The following FBXO28 variants were observed in gnomAD, a reference collection of about 807,000 sequenced individuals.
FBXO28 encodes F-box protein 28, also known as F-box only protein 28.
FBXO28 carries 8 observed loss-of-function variants against 38.1 expected under a neutral mutation model. The observed-to-expected ratio is 0.21, with a 90% CI of 0.12 to 0.38. The LOEUF (loss-of-function observed/expected upper bound fraction) is 0.38, where lower values mean the gene tolerates loss of function less well. Among genes scored for constraint, FBXO28 ranks in the 10% least tolerant of loss-of-function variants. The pLI is 1.00. For missense variants in FBXO28, 345 were observed against 460.6 expected (o/e 0.75, Z 2.30); for synonymous variants, 168 against 173.8 (o/e 0.97, Z 0.26).
At chr1:224,130,713 A>ATC in intron 2 of FBXO28, 132 bp downstream of exon 2, 1 of 589,434 alleles carries the variant, frequency 1.7e-6, no homozygotes, top group Non-Finnish European at 3.0e-6. Flanking sequence ...TCACAATGTG[A>ATC]TTTCTGCAGT....
chr1:224,142,039 A>G (rs970004349), intron 3 of FBXO28, among the ~76,000 whole-genome samples: 43 of 83,926 alleles, frequency 5.1e-4, no homozygotes, highest in African/African-American at 1.4e-3. Context: ...CTACAGGCAC[A>G]TTAAATTTTT....
At chr1:224,138,063 A>G (rs1657238576) in intron 3 of FBXO28, among the ~76,000 whole-genome samples, 3 of 151,712 alleles carry the variant, frequency 2.0e-5, no homozygotes, top group Admixed American at 2.0e-4. Context: ...CCCTGTCTAT[A>G]CTAAAAATAC....
At chr1:224,150,306 G>A (rs1657610716) in intron 3 of FBXO28, among the ~76,000 whole-genome samples, 1 of 152,118 alleles carries the variant, frequency 6.6e-6, no homozygotes, top group Non-Finnish European at 1.5e-5. Context: ...GGCAACAAGA[G>A]CGAAGCTCCG....
chr1:224,143,278 C>G (rs1657409738), intron 3 of FBXO28, among the ~76,000 whole-genome samples: 1 of 151,780 alleles, frequency 6.6e-6, no homozygotes, highest in African/African-American at 2.4e-5. Flanking sequence ...GGGCCACTGT[C>G]TGTTTAGTTT....
intron 3 of FBXO28, among the ~76,000 whole-genome samples, chr1:224,140,808 T>C (rs1657326386): frequency 6.6e-6 from 1 of 151,596 alleles, no homozygotes; most frequent in East Asian, 1.9e-4. Flanking sequence ...TAGCCGAGCA[T>C]GGTGGCACGT....
In FBXO28 at chr1:224,161,291, T is replaced by C. The variant is rs1474734247; in HGVS notation, c.*3545T>C. On this transcript the variant is annotated 3_prime_UTR_variant, in exon 5 of 5. Transcript: ENST00000366862. ...ATACTTGGTGATCAGCACATTCTTATATCCTGCTCTAGCAATGAGTACCCA... is the reference window on the plus strand; with the variant it reads ...ATACTTGGTGATCAGCACATTCTTACATCCTGCTCTAGCAATGAGTACCCA... 11 of 152,252 alleles carry C rather than the reference T, an allele frequency of 7.2e-5. No individual in the cohort carries two copies. The highest frequency in any genetic ancestry group is 7.2e-4 in the Admixed American group (11 of 15,284). 9.4% of individuals were successfully genotyped at this position (152,252 alleles called of 1,614,324 possible). A position where few individuals can be genotyped will look rare whatever the true frequency, so the allele number is the denominator to read the frequency against.
intron 2 of FBXO28, among the ~76,000 whole-genome samples, chr1:224,133,487 G>A (rs942519289): frequency 6.6e-6 from 1 of 151,872 alleles, no homozygotes; most frequent in Non-Finnish European, 1.5e-5. Flanking sequence ...GGTTCTAATA[G>A]CCACTAGATT....
chr1:224,148,853 A>AT (rs58802533), intron 3 of FBXO28, among the ~76,000 whole-genome samples: 152,082 of 152,162 alleles, frequency 1, 76,001 homozygotes, highest in Middle Eastern at 1. Flanking sequence ...ACCTGTTGAA[A>AT]TTTACTTACT....
chr1:224,135,217 T>C (rs983306466), intron 3 of FBXO28, among the ~76,000 whole-genome samples: 5 of 152,234 alleles, frequency 3.3e-5, no homozygotes, highest in South Asian at 2.1e-4. Context: ...GTGATTCTTA[T>C]GCCAGATTTT....
intron 3 of FBXO28, among the ~76,000 whole-genome samples, chr1:224,150,185 T>A (rs1657607296): frequency 2.6e-5 from 4 of 151,726 alleles, no homozygotes; most frequent in South Asian, 4.1e-4. Context: ...TTAGCCAGGC[T>A]TGGTGGTGGG....
At chr1:224,146,053 C>T (rs184541678) in intron 3 of FBXO28, among the ~76,000 whole-genome samples, 13 of 141,808 alleles carry the variant, frequency 9.2e-5, no homozygotes, top group Non-Finnish European at 1.7e-4. Context: ...GCAACAATAG[C>T]GAAACTCCTT....
At chr1:224,151,199 A>G (rs1449519291) in intron 3 of FBXO28, among the ~76,000 whole-genome samples, 2 of 151,978 alleles carry the variant, frequency 1.3e-5, no homozygotes, top group African/African-American at 2.4e-5. Flanking sequence ...CCTCTCCTGA[A>G]CTCCCATCCT....
intron 3 of FBXO28, among the ~76,000 whole-genome samples, chr1:224,139,768 A>ATG (rs1558192782): frequency 9.1e-3 from 68 of 7,486 alleles, no homozygotes; most frequent in Non-Finnish European, 0.026. Context: ...ATGCATGCAT[A>ATG]CATACATACA....
At chr1:224,153,775 G>T (rs551434965) in intron 4 of FBXO28, among the ~76,000 whole-genome samples, 223 of 152,126 alleles carry the variant, frequency 1.5e-3, no homozygotes, top group Non-Finnish European at 2.3e-3. Context: ...ACAAAAATGT[G>T]CTGGGCATGG....
chr1:224,160,168 A>G lies in FBXO28; in HGVS notation c.*2422A>G, dbSNP rs911082005. The G allele has an allele frequency of 1.3e-5, 2 of 152,174 alleles. No individual in the cohort carries two copies. The highest frequency in any genetic ancestry group is 2.9e-5 in the Non-Finnish European group (2 of 68,024). 9.4% of individuals were successfully genotyped at this position (152,174 alleles called of 1,614,324 possible). ...TATTTGATAGCCATTATGCTTACCT[A>G]TGGATAGCATAATGGTATTTAAGGT... On this transcript the variant is annotated 3_prime_UTR_variant, in exon 5 of 5. Coordinates refer to ENST00000366862, the MANE Select transcript of FBXO28 (RefSeq NM_015176.4).
At chr1:224,128,823 A>AT (rs1312133601) in intron 1 of FBXO28, among the ~76,000 whole-genome samples, 3 of 151,612 alleles carry the variant, frequency 2.0e-5, no homozygotes, top group African/African-American at 7.3e-5. Context: ...TCTCTACAAA[A>AT]TTTTTTTTAA....
At chr1:224,125,372 A>G (rs182696602) in intron 1 of FBXO28, among the ~76,000 whole-genome samples, 5 of 152,146 alleles carry the variant, frequency 3.3e-5, no homozygotes, top group Admixed American at 3.3e-4. Flanking sequence ...TAATCTTTTT[A>G]TCAGCTTTTA....
intron 1 of FBXO28, among the ~76,000 whole-genome samples, chr1:224,125,148 A>G (rs1308699318): frequency 6.8e-6 from 1 of 147,526 alleles, no homozygotes; most frequent in Non-Finnish European, 1.5e-5. Flanking sequence ...AGGTCTTGCT[A>G]TGTTGCCCAG....
Position 224,157,738 on chromosome 1 carries a change from A to G in FBXO28, c.1099A>G (p.Arg367Gly). 1 of 1,598,008 alleles carries G rather than the reference A, an allele frequency of 6.3e-7. No individual in the cohort carries two copies. Residue 367 changes from arginine to glycine, a missense_variant, in exon 5 of 5, where the codon AGA (arginine) becomes GGA (glycine). Physicochemically the swap from Arg to Gly is moderately radical, Grantham distance 125. Around this residue, in one of 6 missense-constraint regions of FBXO28, gnomAD observed 151 missense variants for 188.3 expected, o/e 0.80. Coordinates refer to ENST00000366862, the MANE Select transcript of FBXO28 (RefSeq NM_015176.4). ...TAGGAAATCTAAACGTCTTCGGAAT[A>G]GAAAGTAAATTGGAATGTGGTTCTA... The part of the protein sequence containing the change: ...SLRKSKRLRN[R>G]K
Sources: allele counts gnomAD v4.1 joint callset (sites outside exome capture counted in the v4.1 genomes callset), GRCh38; gene constraint gnomAD v4.1.1; regional missense constraint gnomAD v4.1.1; transcripts MANE v1.5; gene names NCBI Gene and HGNC (gene_info 2026-07-23, HGNC 2026-07-21).